MRM1: variants seen among roughly 807,000 people sequenced by gnomAD.
The protein encoded by MRM1 is rRNA methyltransferase 1, mitochondrial.
MRM1 carries 24 observed loss-of-function variants against 25.0 expected under a neutral mutation model. The ratio of observed to expected loss-of-function variants is 0.96; its 90% CI spans 0.69 to 1.35. MRM1 has a LOEUF of 1.35. Ranked by LOEUF, MRM1 falls within the 40% of genes most tolerant of loss-of-function variation. The pLI, the probability that MRM1 is intolerant of heterozygous loss-of-function variation, is 0.00. For synonymous variants in MRM1, 188 were observed against 199.2 expected (o/e 0.94, Z 0.47); for missense variants, 431 against 464.1 (o/e 0.93, Z 0.65).
the MRM1 span, among the ~76,000 whole-genome samples, chr17:36,625,967 C>T: frequency 6.7e-6 from 1 of 148,342 alleles, no homozygotes. Context: ...CCCTGATGCT[C>T]CTAGTTCCTC....
chr17:36,603,296 C>T (rs1241366696), intron 2 of MRM1: 1 of 838,886 alleles, frequency 1.2e-6, no homozygotes, highest in Non-Finnish European at 1.4e-6. Context: ...GTAGTTTTAG[C>T]TTTTCTAGTA....
rs781338122 is a variant in MRM1 at position 36,607,819 on chromosome 17, G to A, written c.769+17G>A. On this transcript the variant is annotated intron_variant, in intron 3 of 4. Transcript: ENST00000614766. ...TTGTGCTGGGTAGGTGGATGTCCCTGCGTTTGTGCCCAGATTACATTTCCC... is the reference window on the plus strand; with the variant it reads ...TTGTGCTGGGTAGGTGGATGTCCCTACGTTTGTGCCCAGATTACATTTCCC... 1 of 1,613,530 alleles carries A rather than the reference G, an allele frequency of 6.2e-7. No individual in the cohort carries two copies. The highest frequency in any genetic ancestry group is 1.1e-5 in the South Asian group (1 of 91,072).
chr17:36,607,464 A>C (rs1264638403), intron 2 of MRM1, among the ~76,000 whole-genome samples: 3 of 151,188 alleles, frequency 2.0e-5, no homozygotes, highest in Non-Finnish European at 4.4e-5. Flanking sequence ...CAAAAAAAAA[A>C]ATGCAAAAAC....
the MRM1 span, among the ~76,000 whole-genome samples, chr17:36,626,992 C>T: frequency 0.026 from 4,030 of 152,314 alleles, 80 homozygotes; most frequent in Middle Eastern, 0.058. Context: ...TGCGCATCTG[C>T]GGACAGTCTG....
intron 2 of MRM1, among the ~76,000 whole-genome samples, chr17:36,607,371 A>G (rs1384811081): frequency 6.6e-6 from 1 of 152,076 alleles, no homozygotes; most frequent in Non-Finnish European, 1.5e-5. Flanking sequence ...TTGTAATCCT[A>G]GCACTCTGGG....
the MRM1 span, among the ~76,000 whole-genome samples, chr17:36,619,701 C>T: frequency 4.0e-5 from 6 of 151,056 alleles, no homozygotes; most frequent in Non-Finnish European, 7.4e-5. Flanking sequence ...TCAGTTCTTT[C>T]GAATATATAC....
At chr17:36,627,674 GTTTTT>G in the MRM1 span, among the ~76,000 whole-genome samples, 5 of 83,728 alleles carry the variant, frequency 6.0e-5, no homozygotes, top group African/African-American at 1.0e-4. Context: ...TTTGGACACT[GTTTTT>G]TTTTTTTTTT....
At position 36,607,760 on chromosome 17, in the gene MRM1, T is replaced by G; in HGVS notation, c.727T>G (p.Cys243Gly). 1.2e-6 allele frequency: 2 copies of G among 1,614,064 alleles called. No homozygotes were observed. The highest frequency in any genetic ancestry group is 1.7e-6 in the Non-Finnish European group (2 of 1,180,012). The change falls in exon 3 of 5, where the codon TGC (cysteine) becomes GGC (glycine). Residue 243 changes from cysteine to glycine, a missense_variant. Transcript: ENST00000614766. ...GTCCTCCGAGATCCCCATCATGAGT[T>G]GCTTGGAGTTCCTCTGGGAACGGCC... ...PQSSEIPIMSCLEFLWERPTL... is the reference protein window; with the variant it reads ...PQSSEIPIMSGLEFLWERPTL...
chr17:36,625,043 G>C, the MRM1 span, among the ~76,000 whole-genome samples: 1 of 152,184 alleles, frequency 6.6e-6, no homozygotes, highest in Non-Finnish European at 1.5e-5. Flanking sequence ...TTGAAGTCTG[G>C]TGTGTAAAGG....
chr17:36,632,523 A>G, the MRM1 span, among the ~76,000 whole-genome samples: 4 of 152,042 alleles, frequency 2.6e-5, no homozygotes, highest in African/African-American at 9.7e-5. Context: ...TCATGGGATA[A>G]TCTGTGTCAG....
chr17:36,608,193 C>T, intron 4 of MRM1, 50 bp from the exon 5 acceptor site: 1 of 1,530,962 alleles, frequency 6.5e-7, no homozygotes, highest in Non-Finnish European at 8.8e-7. Flanking sequence ...GGTCTCTAAA[C>T]ATCATCCTTC....
At chr17:36,630,476 G>T in the MRM1 span, among the ~76,000 whole-genome samples, 1 of 152,180 alleles carries the variant, frequency 6.6e-6, no homozygotes, top group Non-Finnish European at 1.5e-5. Flanking sequence ...GAAATCCCCA[G>T]CACTTGCTTG....
Position 36,602,017 on chromosome 17 carries a change from G to C in MRM1, c.207G>C (p.Val69=), listed in dbSNP as rs1428000891. Residue 69 remains valine (V), a synonymous_variant, in exon 1 of 5, where the codon GTG becomes GTC. Transcript: ENST00000614766. The surrounding 1 kb of genome is among the most constrained non-coding windows in gnomAD (Gnocchi z 4.1). ...LLALQAARRS[V]ARLLLQAGKA... is the part of the protein sequence containing the mutation. ...CTCTGCAGGCCGCCCGCCGCTCTGT[G>C]GCCCGGCTCCTGCTCCAGGCGGGTA... is the stretch of plus-strand genomic sequence containing the variant. 1 of 1,611,328 alleles carries C rather than the reference G, an allele frequency of 6.2e-7. No individual in the cohort carries two copies. The highest frequency in any genetic ancestry group is 8.5e-7 in the Non-Finnish European group (1 of 1,178,892).
At chr17:36,609,104 T>C (rs539534276), downstream of MRM1, 210 of 152,244 alleles carry the variant, frequency 1.4e-3, no homozygotes, top group Non-Finnish European at 2.6e-3. Flanking sequence ...AGCAAACACC[T>C]CCCACCCCAC....
chr17:36,617,309 T>C, the MRM1 span, among the ~76,000 whole-genome samples: 1 of 151,988 alleles, frequency 6.6e-6, no homozygotes, highest in South Asian at 2.1e-4. Flanking sequence ...AATAACTGCT[T>C]TCACCCACGG....
At chr17:36,607,595 C>A (rs2074941155) in intron 2 of MRM1, 75 bp from the exon 3 acceptor site, 1 of 1,513,910 alleles carries the variant, frequency 6.6e-7, no homozygotes, top group African/African-American at 1.4e-5. Flanking sequence ...TGCACTCCAG[C>A]CTGAGCGAGA....
chr17:36,609,765 G>T (rs941416003), downstream of MRM1, among the ~76,000 whole-genome samples: 1 of 152,190 alleles, frequency 6.6e-6, no homozygotes. Context: ...TACCTTCCTG[G>T]ATTGTTGGGA....
chr17:36,609,640 T>C (rs542225755), downstream of MRM1, among the ~76,000 whole-genome samples: 2 of 152,174 alleles, frequency 1.3e-5, no homozygotes, highest in African/African-American at 4.8e-5. Flanking sequence ...TCCTGGAGCA[T>C]GGCTTTGGAG....
In MRM1 at chr17:36,602,491, G is replaced by A; in HGVS notation, c.543-62G>A. On this transcript the variant is annotated intron_variant, in intron 1 of 4. Coordinates refer to ENST00000614766, the MANE Select transcript of MRM1 (RefSeq NM_024864.5). The surrounding 1 kb of genome is among the most constrained non-coding windows in gnomAD (Gnocchi z 4.1). The stretch of plus-strand genomic sequence containing the variant: ...TCCCCCTAGCCCTTGGGAGCCCTGG[G>A]AGGGTAGGGAGCCGGGCTTGAGATG... 1 of 1,610,434 alleles carries A rather than the reference G, an allele frequency of 6.2e-7. No homozygotes were observed. Among genetic ancestry groups the A allele is most frequent in the Non-Finnish European group, 8.5e-7 (1 of 1,177,046 alleles).
Sources: allele counts gnomAD v4.1 joint callset (sites outside exome capture counted in the v4.1 genomes callset), GRCh38; gene constraint gnomAD v4.1.1; non-coding constraint Gnocchi (gnomAD v3.1); transcripts MANE v1.5; gene names NCBI Gene and HGNC (gene_info 2026-07-23, HGNC 2026-07-21).